The following INTS8 variants were observed in gnomAD, a reference collection of about 807,000 sequenced individuals.
INTS8 encodes the protein protein kaonashi-1.
Under a neutral mutation model 138.9 loss-of-function variants are expected in INTS8, and 47 were observed. That is an observed-to-expected ratio of 0.34 (90% CI 0.27 to 0.43). The LOEUF (loss-of-function observed/expected upper bound fraction) is 0.43, where lower values mean the gene tolerates loss of function less well. INTS8 is among the 20% of genes least tolerant of loss of function. The probability of loss-of-function intolerance (pLI) is 1.00; values close to 1 mark genes in which losing one functional copy is unlikely to be tolerated. For synonymous variants in INTS8, 392 were observed against 400.9 expected, an observed-to-expected ratio of 0.98 and a Z score of 0.27; for missense variants, 996 against 1,173.0, an observed-to-expected ratio of 0.85 and a Z score of 2.20.
intron 7 of INTS8, among the ~76,000 whole-genome samples, chr8:94,838,039 C>A (rs939892456): frequency 6.9e-6 from 1 of 144,646 alleles, no homozygotes; most frequent in Non-Finnish European, 1.5e-5. Flanking sequence ...TTAAATTTTT[C>A]TTTTCTTTTT....
intron 12 of INTS8, 101 bp downstream of exon 12, chr8:94,850,192 C>A: frequency 1.3e-6 from 1 of 775,752 alleles, no homozygotes. Flanking sequence ...TTTTAATTAA[C>A]ACTTGTGTTG....
At chr8:94,845,185 ATTATC>A (rs1815288863) in intron 10 of INTS8, among the ~76,000 whole-genome samples, 1 of 151,938 alleles carries the variant, frequency 6.6e-6, no homozygotes, top group Non-Finnish European at 1.5e-5. Context: ...TTCTTCTATT[ATTATC>A]TTCTAAAAGC....
intron 13 of INTS8, among the ~76,000 whole-genome samples, chr8:94,853,373 G>C (rs932586102): frequency 2.4e-4 from 37 of 152,122 alleles, no homozygotes; most frequent in African/African-American, 8.7e-4. Flanking sequence ...AGTTATGATA[G>C]GGGATTCTGG....
Position 94,881,191 on chromosome 8 carries a change from T to G in INTS8, c.*957T>G, listed in dbSNP as rs1164130243. ...TTAATTTTCAAGAACCAAATTGCAC[T>G]AGTCAAGAGTGTAGGAATTTTGAGA... On this transcript the variant is annotated 3_prime_UTR_variant, in exon 27 of 27. Transcript: ENST00000523731. 2.6e-6 allele frequency: 1 copy of G among 378,714 alleles called. No individual in the cohort carries two copies. The highest frequency in any genetic ancestry group is 2.1e-5 in the African/African-American group (1 of 48,340). The allele number at this position is 378,714 out of a possible 1,614,324, so 23.5% of individuals were successfully genotyped here.
At chr8:94,870,378 A>G (rs1439905377) in intron 20 of INTS8, among the ~76,000 whole-genome samples, 1 of 152,194 alleles carries the variant, frequency 6.6e-6, no homozygotes, top group East Asian at 1.9e-4. Flanking sequence ...TAAGCTAGAT[A>G]TTTAGAATAA....
rs571564535 is a variant in INTS8, at chr8:94,871,575, T to C, written c.2415-309T>C. Among the ~76,000 whole-genome samples, 5 of 152,340 alleles carry C rather than the reference T, an allele frequency of 3.3e-5. No individual in the cohort carries two copies. In the East Asian group the frequency reaches 7.7e-4, roughly 23 times the overall value. The stretch of plus-strand genomic sequence containing the variant: ...AGCAGAGGTAAGGGTTTTATCTCAC[T>C]ACTTCTGTATGCTTTAAACATTTGT... On this transcript the variant is annotated intron_variant, in intron 20 of 26. Coordinates refer to ENST00000523731, the MANE Select transcript of INTS8 (RefSeq NM_017864.4).
intron 4 of INTS8, among the ~76,000 whole-genome samples, chr8:94,828,604 G>A (rs545197023): frequency 4.8e-4 from 73 of 152,236 alleles, no homozygotes; most frequent in Non-Finnish European, 3.5e-4. Context: ...ATGAGCTTTT[G>A]TTGTAAGTTT....
At position 94,880,772 on chromosome 8, in the gene INTS8, A is replaced by T. The variant is rs916219080; in HGVS notation, c.*538A>T. ...CCTTAGTCACACTAAATTAAAAAAA[A>T]AAATTCCTTAGGGATATCTTAGAGT... On this transcript the variant is annotated 3_prime_UTR_variant, in exon 27 of 27. Transcript: ENST00000523731. The T allele has an allele frequency of 2.1e-4, 83 of 398,258 alleles. No individual in the cohort carries two copies. The highest frequency in any genetic ancestry group is 6.3e-4 in the Middle Eastern group (1 of 1,584). The allele number at this position is 398,258 out of a possible 1,614,324, so 24.7% of individuals were successfully genotyped here.
At chr8:94,826,913 G>A (rs563053966) in intron 2 of INTS8, among the ~76,000 whole-genome samples, 2 of 152,278 alleles carry the variant, frequency 1.3e-5, no homozygotes, top group Admixed American at 1.3e-4. Flanking sequence ...AGACCATCCT[G>A]GCTAACATGG....
In INTS8 at chr8:94,832,944, G is replaced by A. The variant is rs111589736; in HGVS notation, c.753+770G>A. 7.4e-3 allele frequency among the ~76,000 whole-genome samples: 1,122 copies of A among 151,928 alleles called. 7 individuals are homozygous for A. Among genetic ancestry groups the A allele is most frequent in the African/African-American group, 0.026 (1,068 of 41,450 alleles). On this transcript the variant is annotated intron_variant, in intron 6 of 26. Coordinates refer to ENST00000523731, the MANE Select transcript of INTS8 (RefSeq NM_017864.4). ...GCTGGGATTACAGGCGTGAGCCACC[G>A]CGCCCGGCCGTTGTCAGATATTACT...
Position 94,827,309 on chromosome 8 carries a change from A to G in INTS8, c.352A>G (p.Ile118Val), listed in dbSNP as rs1487128298. 6.2e-7 allele frequency: 1 copy of G among 1,613,280 alleles called. No individual in the cohort carries two copies. Among genetic ancestry groups the G allele is most frequent in the Non-Finnish European group, 8.5e-7 (1 of 1,179,170 alleles). The change falls in exon 3 of 27, where the codon ATC becomes GTC. Residue 118 changes from isoleucine to valine, a missense_variant. Transcript: ENST00000523731. ...TATGCTACTAAATGAACTACTCTGC[A>G]TCAGTAAAGTTCCTCCTGGGACAAA... ...LNMLLNELLC[I>V]SKVPPGTKHV...
At chr8:94,843,424 G>A (rs886750187) in intron 10 of INTS8, among the ~76,000 whole-genome samples, 3 of 152,070 alleles carry the variant, frequency 2.0e-5, no homozygotes, top group African/African-American at 7.2e-5. Context: ...AAAATTAGCC[G>A]AGCGTGCTGG....
intron 15 of INTS8, among the ~76,000 whole-genome samples, chr8:94,858,963 C>T (rs1815852160): frequency 6.6e-6 from 1 of 152,164 alleles, no homozygotes; most frequent in African/African-American, 2.4e-5. Flanking sequence ...TGCTTATAAA[C>T]AGTGTTTAAA....
In INTS8 at chr8:94,823,568, G is replaced by T. The variant is rs766064483; in HGVS notation, c.130+7G>T. The T allele has an allele frequency of 3.8e-5, 60 of 1,559,570 alleles. 1 individual carries two copies. In the South Asian group the frequency reaches 4.1e-4, roughly 11 times the overall value. On this transcript the variant is annotated splice_region_variant and intron_variant, in intron 1 of 26. Coordinates refer to ENST00000523731, the MANE Select transcript of INTS8 (RefSeq NM_017864.4). ...CTGCGCAAGCCCTGCCCGGGTGAGCGCGGCGCCTGCACCTGGGGAGCGGGA... is the reference window on the plus strand; with the variant it reads ...CTGCGCAAGCCCTGCCCGGGTGAGCTCGGCGCCTGCACCTGGGGAGCGGGA...
At chr8:94,876,667 T>C in intron 26 of INTS8, 178 bp downstream of exon 26, 1 of 498,852 alleles carries the variant, frequency 2.0e-6, no homozygotes, top group East Asian at 3.3e-5. Context: ...TGTCATTATA[T>C]ATTATTTTAA....
At chr8:94,861,841 G>A (rs1815998520) in intron 16 of INTS8, among the ~76,000 whole-genome samples, 1 of 151,716 alleles carries the variant, frequency 6.6e-6, no homozygotes, top group Non-Finnish European at 1.5e-5. Context: ...GTGAGCCACC[G>A]CGCCCGGCCC....
rs118007393 is a variant in INTS8 at position 94,875,390 on chromosome 8, G to A, written c.2689-684G>A. 9.9e-3 allele frequency among the ~76,000 whole-genome samples: 1,514 copies of A among 152,304 alleles called. 8 individuals carry two copies. Among genetic ancestry groups the A allele is most frequent in the Non-Finnish European group, 0.014 (985 of 68,006 alleles). ...AGACACAAAAGGCTACATAGTCTAT[G>A]ATTCCATTCATATGAAATGTTCAGA... On this transcript the variant is annotated intron_variant, in intron 23 of 26. Coordinates refer to ENST00000523731, the MANE Select transcript of INTS8 (RefSeq NM_017864.4).
chr8:94,843,884 G>A lies in INTS8; in HGVS notation c.1260+1396G>A, dbSNP rs1426857295. On this transcript the variant is annotated intron_variant, in intron 10 of 26. Transcript: ENST00000523731. ...TGTTAACATTTGATATTGTCAGATCGCCTGTGAGGTGGTTGTATAACAGTA... is the reference window on the plus strand; with the variant it reads ...TGTTAACATTTGATATTGTCAGATCACCTGTGAGGTGGTTGTATAACAGTA... Among the ~76,000 whole-genome samples the A allele has an allele frequency of 2.6e-5, 4 of 152,022 alleles. No individual in the cohort carries two copies. The East Asian group carries it at 5.8e-4, about 22-fold the overall frequency.
Position 94,868,813 on chromosome 8 carries a change from G to A in INTS8, c.2414+1476G>A, listed in dbSNP as rs114055881. On this transcript the variant is annotated intron_variant, in intron 20 of 26. Coordinates refer to ENST00000523731, the MANE Select transcript of INTS8 (RefSeq NM_017864.4). ...AGCCTGCCAAGTATCTGGGATTACA[G>A]GTGCATGCCACCACCCCCAGCTATT... The A allele has an allele frequency of 0.034, 5,163 of 151,182 alleles. 90 individuals are homozygous for A. Among genetic ancestry groups the A allele is most frequent in the Non-Finnish European group, 0.04 (2,710 of 67,886 alleles). The allele number at this position is 151,182 out of a possible 1,614,324, so 9.4% of individuals were successfully genotyped here. A position where few individuals can be genotyped will look rare whatever the true frequency, so the allele number is the denominator to read the frequency against.
Sources: allele counts gnomAD v4.1 joint callset (sites outside exome capture counted in the v4.1 genomes callset), GRCh38; gene constraint gnomAD v4.1.1; transcripts MANE v1.5; gene names NCBI Gene and HGNC (gene_info 2026-07-23, HGNC 2026-07-21).